The following LRRTM4 variants were observed in gnomAD, a reference collection of about 807,000 sequenced individuals.
LRRTM4 encodes leucine rich repeat transmembrane neuronal 4.
A neutral mutation model predicts 47.6 loss-of-function variants in LRRTM4; 25 were observed. The ratio of observed to expected loss-of-function variants is 0.53; its 90% confidence interval spans 0.38 to 0.73. The LOEUF is 0.73. LRRTM4 is among the 30% of genes least tolerant of loss of function. The probability of loss-of-function intolerance (pLI) is 0.00; values close to 1 mark genes in which losing one functional copy is unlikely to be tolerated. For synonymous variants in LRRTM4, 311 were observed against 269.5 expected (o/e 1.15, Z -1.51); for missense variants, 638 against 713.4 (o/e 0.89, Z 1.20).
intron 3 of LRRTM4, among the ~76,000 whole-genome samples, chr2:76,977,397 T>G (rs1676457566): frequency 6.6e-6 from 1 of 151,926 alleles, no homozygotes; most frequent in South Asian, 2.1e-4. Context: ...ATCACAGTTC[T>G]TTCATAGAGT....
At chr2:77,093,584 A>G (rs1344756212) in intron 3 of LRRTM4, among the ~76,000 whole-genome samples, 1 of 151,420 alleles carries the variant, frequency 6.6e-6, no homozygotes, top group Non-Finnish European at 1.5e-5. Context: ...CTCTCTCCAT[A>G]CCATCCCCCC....
chr2:76,935,078 A>G (rs77062365), intron 3 of LRRTM4, among the ~76,000 whole-genome samples: 2,715 of 152,292 alleles, frequency 0.018, 73 homozygotes, highest in African/African-American at 0.057. Context: ...TAATAATACA[A>G]TCAATGCAAT....
chr2:77,001,441 A>G (rs1677424867), intron 3 of LRRTM4, among the ~76,000 whole-genome samples: 1 of 152,148 alleles, frequency 6.6e-6, no homozygotes, highest in Non-Finnish European at 1.5e-5. Flanking sequence ...ATGCAATACA[A>G]CATTCCTAAG....
rs1674072967 is a variant in LRRTM4 at position 77,204,728 on chromosome 2, C to A, written c.1551+313590G>T. On this transcript the variant is annotated intron_variant, in intron 3 of 3. Transcript: ENST00000409884. ...GTGGTCTGTATATATTAGTAATCTG[C>A]AAACTCCATGAAGGTAGCAGCCTCT... Among the ~76,000 whole-genome samples, 6 of 152,244 alleles carry A rather than the reference C, an allele frequency of 3.9e-5. No individual in the cohort carries two copies. In the South Asian group the frequency reaches 1.2e-3, roughly 32 times the overall value.
At chr2:76,941,648 C>G (rs556308212) in intron 3 of LRRTM4, among the ~76,000 whole-genome samples, 1 of 152,098 alleles carries the variant, frequency 6.6e-6, no homozygotes, top group African/African-American at 2.4e-5. Context: ...TGAACTCAAC[C>G]TTTATATGGC....
intron 3 of LRRTM4, among the ~76,000 whole-genome samples, chr2:76,832,826 C>T (rs1671392220): frequency 6.6e-6 from 1 of 151,932 alleles, no homozygotes; most frequent in East Asian, 1.9e-4. Flanking sequence ...GATTAGGGTG[C>T]AAGGTTTGCA....
chr2:77,339,780 T>C (rs1671301146), intron 3 of LRRTM4, among the ~76,000 whole-genome samples: 2 of 151,998 alleles, frequency 1.3e-5, no homozygotes, highest in Middle Eastern at 3.4e-3. Flanking sequence ...CCAGACATAA[T>C]GTGAGGAGTG....
At chr2:77,357,956 AAT>A (rs796994361) in intron 3 of LRRTM4, among the ~76,000 whole-genome samples, 9 of 152,236 alleles carry the variant, frequency 5.9e-5, no homozygotes, top group African/African-American at 2.2e-4. Context: ...AATGTGTTTA[AAT>A]ATATATACTT....
chr2:76,916,415 A>AAAAAAAAAATAG (rs1674252813), intron 3 of LRRTM4, among the ~76,000 whole-genome samples: 1 of 150,352 alleles, frequency 6.7e-6, no homozygotes, highest in African/African-American at 2.4e-5. Context: ...AAAGAAAAGA[A>AAAAAAAAAATAG]AAAAAATATG....
intron 3 of LRRTM4, among the ~76,000 whole-genome samples, chr2:76,807,459 C>CACATAT (rs1553412667): frequency 2.0e-4 from 17 of 85,594 alleles, no homozygotes; most frequent in South Asian, 4.4e-4. Flanking sequence ...TATATATATA[C>CACATAT]ATATATATAT....
intron 3 of LRRTM4, among the ~76,000 whole-genome samples, chr2:77,269,593 C>T (rs1172040057): frequency 6.6e-6 from 1 of 152,032 alleles, no homozygotes; most frequent in Non-Finnish European, 1.5e-5. Context: ...TTTAAATACA[C>T]CAATTGCTGA....
intron 3 of LRRTM4, among the ~76,000 whole-genome samples, chr2:76,916,945 C>T (rs527667158): frequency 1.3e-5 from 2 of 152,262 alleles, no homozygotes; most frequent in South Asian, 4.1e-4. Flanking sequence ...TTTCTCTCTT[C>T]CTTAAGTTTA....
At chr2:76,998,328 C>G (rs1677277618) in intron 3 of LRRTM4, among the ~76,000 whole-genome samples, 1 of 152,136 alleles carries the variant, frequency 6.6e-6, no homozygotes, top group Non-Finnish European at 1.5e-5. Flanking sequence ...ACCAGTCTAA[C>G]TAGAGAGCTG....
At chr2:77,108,350 C>A (rs1008375853) in intron 3 of LRRTM4, among the ~76,000 whole-genome samples, 1 of 151,882 alleles carries the variant, frequency 6.6e-6, no homozygotes, top group Non-Finnish European at 1.5e-5. Context: ...ATTGTATTAT[C>A]AATCTTATAA....
chr2:77,223,313 C>G (rs1005057588), intron 3 of LRRTM4, among the ~76,000 whole-genome samples: 1 of 152,124 alleles, frequency 6.6e-6, no homozygotes, highest in Non-Finnish European at 1.5e-5. Context: ...CAGGGATGGC[C>G]TCTCTCACCA....
intron 3 of LRRTM4, among the ~76,000 whole-genome samples, chr2:76,840,594 C>A (rs1671644910): frequency 1.3e-5 from 2 of 151,920 alleles, no homozygotes; most frequent in Non-Finnish European, 2.9e-5. Context: ...GTCAAAAAGA[C>A]TTAAAAAAAG....
At chr2:77,432,659 A>G (rs967930614) in intron 3 of LRRTM4, among the ~76,000 whole-genome samples, 1 of 152,196 alleles carries the variant, frequency 6.6e-6, no homozygotes, top group Admixed American at 6.5e-5. Context: ...ACATACATGT[A>G]TTCATATTTA....
intron 3 of LRRTM4, among the ~76,000 whole-genome samples, chr2:76,896,468 AATC>A (rs1673421774): frequency 6.6e-6 from 1 of 152,058 alleles, no homozygotes; most frequent in African/African-American, 2.4e-5. Flanking sequence ...TATGAAAAAA[AATC>A]ATCAAGCTTA....
intron 3 of LRRTM4, among the ~76,000 whole-genome samples, chr2:77,146,686 A>G (rs1186645696): frequency 2.0e-5 from 3 of 152,186 alleles, no homozygotes; most frequent in Admixed American, 6.5e-5. Context: ...AAAATTAAAC[A>G]TATGTTTCAC....
Sources: gnomAD v4.1 joint callset for allele counts (sites outside exome capture counted in the v4.1 genomes callset) on GRCh38, gnomAD v4.1.1 for gene constraint, MANE v1.5 for transcripts, NCBI Gene and HGNC (gene_info 2026-07-23, HGNC 2026-07-21) for gene names.